STAG1: variants seen among roughly 807,000 people sequenced by gnomAD.
STAG1 encodes STAG1 cohesin complex component, also known as cohesin subunit SA-1.
STAG1 carries 26 observed loss-of-function variants against 170.9 expected under a neutral mutation model. The observed-to-expected ratio is 0.15, with a 90% CI of 0.11 to 0.21. The LOEUF (loss-of-function observed/expected upper bound fraction) is 0.21, where lower values mean the gene tolerates loss of function less well. Ranked by LOEUF, STAG1 falls within the 10% of genes least tolerant of loss-of-function variation. The pLI is 1.00. For missense variants in STAG1, 964 were observed against 1,509.5 expected, an observed-to-expected ratio of 0.64 and a Z score of 5.99; for synonymous variants, 514 against 497.7, an observed-to-expected ratio of 1.03 and a Z score of -0.44.
At chr3:136,559,575 C>T (rs1936757128) in intron 5 of STAG1, among the ~76,000 whole-genome samples, 1 of 152,148 alleles carries the variant, frequency 6.6e-6, no homozygotes, top group Non-Finnish European at 1.5e-5. Context: ...CTTGTTAAAG[C>T]CATGGTGCCC....
chr3:136,692,738 T>C (rs913022654), intron 1 of STAG1, among the ~76,000 whole-genome samples: 4 of 152,148 alleles, frequency 2.6e-5, no homozygotes, highest in Non-Finnish European at 5.9e-5. Context: ...TTTTTTTAAT[T>C]GGGAGAATAG....
chr3:136,561,546 T>C (rs906473992), intron 5 of STAG1, among the ~76,000 whole-genome samples: 2 of 152,238 alleles, frequency 1.3e-5, no homozygotes, highest in African/African-American at 4.8e-5. Context: ...TTTTTCTCTA[T>C]AAATTCTGTA....
intron 5 of STAG1, among the ~76,000 whole-genome samples, chr3:136,567,304 G>T (rs1937116607): frequency 2.0e-5 from 3 of 152,170 alleles, no homozygotes; most frequent in Admixed American, 6.5e-5. Context: ...TGCAAAATGA[G>T]CAAACTCTCT....
In STAG1 at chr3:136,341,099, G is replaced by A. The variant is rs1053447630; in HGVS notation, c.3557+342C>T. ...AATTTTTTGTATTTTTAGTAGAGACGGGGTTTCACGATGTTGGCCAGGCTG... is the reference window on the plus strand; with the variant it reads ...AATTTTTTGTATTTTTAGTAGAGACAGGGTTTCACGATGTTGGCCAGGCTG... On this transcript the variant is annotated intron_variant, in intron 31 of 33. Coordinates refer to ENST00000383202, the MANE Select transcript of STAG1 (RefSeq NM_005862.3). Among the ~76,000 whole-genome samples the A allele has an allele frequency of 2.0e-5, 3 of 152,218 alleles. No homozygotes were observed. The East Asian group carries it at 5.8e-4, about 29-fold the overall frequency.
In STAG1 at chr3:136,730,287, AG is replaced by A. The variant is rs1331009904; in HGVS notation, c.-84+21907del. Among the ~76,000 whole-genome samples, 5 of 152,224 alleles carry A rather than the reference AG, an allele frequency of 3.3e-5. No homozygotes were observed. The East Asian group carries it at 9.6e-4, about 29-fold the overall frequency. Reference sequence around the variant, plus strand: ...ATTTGTTGCCAACATTTGAAATTGAAGGAACTGCTAAATTTCAGTTATAGGT... The same window carrying A: ...ATTTGTTGCCAACATTTGAAATTGAAGAACTGCTAAATTTCAGTTATAGGT... On this transcript the variant is annotated intron_variant, in intron 1 of 33. Coordinates refer to ENST00000383202, the MANE Select transcript of STAG1 (RefSeq NM_005862.3).
chr3:136,412,323 A>G (rs2087646864), intron 21 of STAG1, among the ~76,000 whole-genome samples: 1 of 152,204 alleles, frequency 6.6e-6, no homozygotes, highest in Non-Finnish European at 1.5e-5. Flanking sequence ...GAGTTAGAAA[A>G]TCATCATTTT....
intron 9 of STAG1, 108 bp downstream of exon 9, chr3:136,500,115 A>G: frequency 2.7e-6 from 2 of 750,650 alleles, no homozygotes; most frequent in South Asian, 1.6e-5. Flanking sequence ...TTTCCAGAAA[A>G]CAAAACATAA....
At chr3:136,497,080 T>G (rs1933147543) in intron 9 of STAG1, among the ~76,000 whole-genome samples, 1 of 152,032 alleles carries the variant, frequency 6.6e-6, no homozygotes, top group African/African-American at 2.4e-5. Context: ...TCAACAGCCC[T>G]ATATCTACTG....
chr3:136,733,465 A>G (rs1934157483), intron 1 of STAG1, among the ~76,000 whole-genome samples: 1 of 152,144 alleles, frequency 6.6e-6, no homozygotes, highest in Non-Finnish European at 1.5e-5. Flanking sequence ...TGTGCAGCCC[A>G]CAACAGTGGA....
chr3:136,402,582 G>A (rs1560089915), intron 21 of STAG1, among the ~76,000 whole-genome samples: 1 of 151,810 alleles, frequency 6.6e-6, no homozygotes, highest in Non-Finnish European at 1.5e-5. Flanking sequence ...TGTAATCTCA[G>A]CATTTTGGCA....
chr3:136,343,628 A>C (rs1936091530), intron 30 of STAG1, among the ~76,000 whole-genome samples: 1 of 152,236 alleles, frequency 6.6e-6, no homozygotes, highest in Non-Finnish European at 1.5e-5. Flanking sequence ...GTACATTTAA[A>C]GGTCTGTAAA....
chr3:136,360,075 G>C (rs922699590), intron 26 of STAG1, among the ~76,000 whole-genome samples: 38 of 152,254 alleles, frequency 2.5e-4, no homozygotes, highest in African/African-American at 9.1e-4. Context: ...TTTATAAATT[G>C]CATATCTGTT....
chr3:136,471,149 T>C (rs904158460), intron 12 of STAG1, among the ~76,000 whole-genome samples: 2 of 150,540 alleles, frequency 1.3e-5, no homozygotes, highest in African/African-American at 4.9e-5. Flanking sequence ...TCACCTCAGT[T>C]CAGGAGTTAG....
intron 6 of STAG1, among the ~76,000 whole-genome samples, chr3:136,523,046 T>C (rs1169659282): frequency 6.6e-6 from 1 of 152,202 alleles, no homozygotes; most frequent in Non-Finnish European, 1.5e-5. Context: ...CATAGGTCTT[T>C]ATAGCAGCAT....
intron 26 of STAG1, among the ~76,000 whole-genome samples, chr3:136,362,572 C>G (rs1374445006): frequency 7.8e-6 from 1 of 128,604 alleles, no homozygotes; most frequent in Non-Finnish European, 1.6e-5. Context: ...AGTTTGAGAC[C>G]AGCCTGGCCA....
intron 2 of STAG1, among the ~76,000 whole-genome samples, chr3:136,626,879 G>A (rs569554705): frequency 4.5e-4 from 69 of 152,324 alleles, no homozygotes; most frequent in Non-Finnish European, 1.0e-4. Context: ...GCAGAGTCCA[G>A]TTAGATCTCA....
chr3:136,627,225 T>C (rs897022707), intron 2 of STAG1, among the ~76,000 whole-genome samples: 9 of 152,206 alleles, frequency 5.9e-5, no homozygotes, highest in African/African-American at 1.7e-4. Flanking sequence ...GTTTAATTAT[T>C]AAGACATAAG....
At chr3:136,561,016 T>C (rs1936817843) in intron 5 of STAG1, among the ~76,000 whole-genome samples, 1 of 152,166 alleles carries the variant, frequency 6.6e-6, no homozygotes. Context: ...CTTTTGGTCC[T>C]TGGTTCTTAC....
chr3:136,402,423 G>C (rs2108347400), intron 21 of STAG1, among the ~76,000 whole-genome samples: 1 of 151,242 alleles, frequency 6.6e-6, no homozygotes, highest in East Asian at 2.0e-4. Context: ...TCACTATGTT[G>C]GCCAGGCTGG....
Sources: allele counts gnomAD v4.1 joint callset (sites outside exome capture counted in the v4.1 genomes callset), GRCh38; gene constraint gnomAD v4.1.1; transcripts MANE v1.5; gene names NCBI Gene and HGNC (gene_info 2026-07-23, HGNC 2026-07-21).